The following KCNQ5 variants were observed in gnomAD, a reference collection of about 807,000 sequenced individuals.
The protein encoded by KCNQ5 is potassium voltage-gated channel subfamily KQT member 5.
In KCNQ5, 30 loss-of-function variants were observed where a neutral mutation model predicts 98.2. The ratio of observed to expected loss-of-function variants is 0.31; its 90% confidence interval spans 0.23 to 0.41. The LOEUF is 0.41. Ranked by LOEUF, KCNQ5 falls within the 10% of genes least tolerant of loss-of-function variation. The pLI, the probability that KCNQ5 is intolerant of heterozygous loss-of-function variation, is 1.00. For synonymous variants in KCNQ5, 458 were observed against 449.4 expected (o/e 1.02, Z -0.24); for missense variants, 835 against 1,182.5 (o/e 0.71, Z 4.31).
chr6:72,986,547 C>A, intron 1 of KCNQ5: 1 of 581,648 alleles, frequency 1.7e-6, no homozygotes, highest in South Asian at 2.6e-5. Context: ...TGAGATGCCT[C>A]TAGTGAAGAA....
chr6:72,849,588 A>T (rs750312962), intron 1 of KCNQ5, among the ~76,000 whole-genome samples: 3 of 152,168 alleles, frequency 2.0e-5, no homozygotes, highest in Admixed American at 1.3e-4. Context: ...AAATTTGATG[A>T]TCTGCAAGAA....
chr6:72,831,239 A>T (rs1342208691), intron 1 of KCNQ5, among the ~76,000 whole-genome samples: 1 of 152,258 alleles, frequency 6.6e-6, no homozygotes, highest in Non-Finnish European at 1.5e-5. Context: ...GTATATACCC[A>T]AAGGATTATA....
At chr6:73,157,395 C>G in intron 10 of KCNQ5, 2 of 581,082 alleles carry the variant, frequency 3.4e-6, no homozygotes, top group South Asian at 3.8e-5. Flanking sequence ...TTCACAATTT[C>G]TGGGGGGCAG....
chr6:73,056,535 T>C (rs1772504195), intron 3 of KCNQ5, among the ~76,000 whole-genome samples: 1 of 152,164 alleles, frequency 6.6e-6, no homozygotes, highest in Non-Finnish European at 1.5e-5. Flanking sequence ...TGGGGTAAGC[T>C]CCTTGACCTT....
intron 2 of KCNQ5, among the ~76,000 whole-genome samples, chr6:73,022,296 T>C (rs1255139633): frequency 6.6e-6 from 1 of 152,134 alleles, no homozygotes; most frequent in African/African-American, 2.4e-5. Flanking sequence ...CCTCACATGA[T>C]ACTTTTGTTT....
chr6:72,771,113 C>T (rs1323581939), intron 1 of KCNQ5, among the ~76,000 whole-genome samples: 5 of 151,912 alleles, frequency 3.3e-5, no homozygotes, highest in Admixed American at 3.3e-4. Flanking sequence ...CCTTCTGGAG[C>T]GTGAGTGGGG....
At chr6:73,170,566 CA>C (rs11390332) in intron 11 of KCNQ5, among the ~76,000 whole-genome samples, 66,750 of 136,574 alleles carry the variant, frequency 0.49, 19,154 homozygotes, top group South Asian at 0.74. Flanking sequence ...AACTATATTG[CA>C]AAAAAAAAAA....
chr6:73,125,432 G>A (rs1470704154), intron 9 of KCNQ5: 1 of 518,430 alleles, frequency 1.9e-6, no homozygotes, highest in East Asian at 5.5e-5. Flanking sequence ...GAGAATCCCA[G>A]GTGCCTGGAA....
At chr6:72,757,371 A>G (rs1471076830) in intron 1 of KCNQ5, among the ~76,000 whole-genome samples, 4 of 152,200 alleles carry the variant, frequency 2.6e-5, no homozygotes, top group Non-Finnish European at 4.4e-5. Flanking sequence ...ATGCTCCTCC[A>G]TTTATGATGG....
chr6:73,171,373 G>A (rs541634612), intron 11 of KCNQ5, among the ~76,000 whole-genome samples: 2 of 152,180 alleles, frequency 1.3e-5, no homozygotes, highest in Admixed American at 1.3e-4. Flanking sequence ...TCCCAGTTTG[G>A]ACAATCAATT....
chr6:72,988,623 A>G (rs1768934311), intron 1 of KCNQ5, among the ~76,000 whole-genome samples: 1 of 150,280 alleles, frequency 6.7e-6, no homozygotes. Flanking sequence ...TCTAAAATAA[A>G]ACTTGGGGAA....
At chr6:73,104,374 T>TTC (rs1454490181) in intron 5 of KCNQ5, among the ~76,000 whole-genome samples, 21 of 152,134 alleles carry the variant, frequency 1.4e-4, no homozygotes, top group African/African-American at 4.8e-4. Context: ...TTAAAATACT[T>TTC]AGGAATAAAT....
chr6:73,020,307 A>G (rs1770538487), intron 2 of KCNQ5, among the ~76,000 whole-genome samples: 1 of 151,940 alleles, frequency 6.6e-6, no homozygotes, highest in Non-Finnish European at 1.5e-5. Context: ...CCTTGGGCTC[A>G]ATTAATTTGC....
intron 7 of KCNQ5, among the ~76,000 whole-genome samples, chr6:73,115,433 G>C (rs1188231371): frequency 6.6e-6 from 1 of 152,024 alleles, no homozygotes; most frequent in Non-Finnish European, 1.5e-5. Flanking sequence ...CACAGTAGAA[G>C]AGCTCACCAA....
At position 73,133,802 on chromosome 6, in the gene KCNQ5, G is replaced by A. The variant is rs573293317; in HGVS notation, c.1468+161G>A. On this transcript the variant is annotated intron_variant, in intron 10 of 13. Coordinates refer to ENST00000370398, the MANE Select transcript of KCNQ5 (RefSeq NM_019842.4). Reference sequence around the variant, plus strand: ...ATTGGAAGTTTATTCATTGCCTTGGGCAAATGTACAGAACATAAGTTTACT... The same window carrying A: ...ATTGGAAGTTTATTCATTGCCTTGGACAAATGTACAGAACATAAGTTTACT... The A allele has an allele frequency of 1.6e-4, 126 of 773,102 alleles. No individual in the cohort carries two copies. In the African/African-American group the frequency reaches 1.9e-3, roughly 12 times the overall value. The allele number at this position is 773,102 out of a possible 1,614,324, so 47.9% of individuals were successfully genotyped here.
At chr6:73,077,239 A>G in intron 3 of KCNQ5, 83 bp from the exon 4 acceptor site, 1 of 1,367,422 alleles carries the variant, frequency 7.3e-7, no homozygotes, top group Non-Finnish European at 1.0e-6. Flanking sequence ...AATAGGTCAA[A>G]GTGAACCTTT....
At chr6:73,046,897 C>A (rs553105103) in intron 3 of KCNQ5, among the ~76,000 whole-genome samples, 1 of 152,140 alleles carries the variant, frequency 6.6e-6, no homozygotes, top group Non-Finnish European at 1.5e-5. Context: ...CCCGCCTCAG[C>A]GTCCCAAAGT....
At chr6:72,853,577 C>T (rs1777387297) in intron 1 of KCNQ5, among the ~76,000 whole-genome samples, 1 of 152,168 alleles carries the variant, frequency 6.6e-6, no homozygotes, top group Admixed American at 6.5e-5. Flanking sequence ...CTCCTGGCCT[C>T]AAGTAATCTG....
rs989795360 is a variant in KCNQ5, at chr6:72,801,081, G to C, written c.398+178494G>C. Among the ~76,000 whole-genome samples, 466 of 152,172 alleles carry C rather than the reference G, an allele frequency of 3.1e-3. 2 individuals are homozygous for C. In the Middle Eastern group the frequency reaches 0.037, roughly 12 times the overall value. On this transcript the variant is annotated intron_variant, in intron 1 of 13. Coordinates refer to ENST00000370398, the MANE Select transcript of KCNQ5 (RefSeq NM_019842.4). ...AATTTTGGGATAGGTGTGGTGTGGT[G>C]CTGAAAAAAATGTATATTCTGTTGA...
Sources: gnomAD v4.1 joint callset for allele counts (sites outside exome capture counted in the v4.1 genomes callset) on GRCh38, gnomAD v4.1.1 for gene constraint, MANE v1.5 for transcripts, NCBI Gene and HGNC (gene_info 2026-07-23, HGNC 2026-07-21) for gene names.